REV3L: variants seen among roughly 807,000 people sequenced by gnomAD.
The protein encoded by REV3L is DNA polymerase zeta catalytic subunit.
A neutral mutation model predicts 299.4 loss-of-function variants in REV3L; 69 were observed. The observed-to-expected ratio is 0.23, with a 90% confidence interval of 0.19 to 0.28. The LOEUF (loss-of-function observed/expected upper bound fraction) is 0.28. REV3L is among the 10% of genes least tolerant of loss of function. The pLI is 1.00. For synonymous variants in REV3L, 1,238 were observed against 1,271.4 expected (o/e 0.97, Z 0.56); for missense variants, 3,128 against 3,693.8 (o/e 0.85, Z 3.97).
intron 1 of REV3L, among the ~76,000 whole-genome samples, chr6:111,447,142 A>T (rs1788958838): frequency 6.6e-6 from 1 of 152,218 alleles, no homozygotes; most frequent in East Asian, 1.9e-4. Flanking sequence ...GAAGGAAAAA[A>T]ATCTGTTTAT....
chr6:111,469,596 G>C lies in REV3L; in HGVS notation c.139+13154C>G, dbSNP rs141821955. On this transcript the variant is annotated intron_variant, in intron 1 of 31. Coordinates refer to ENST00000368802, the MANE Select transcript of REV3L (RefSeq NM_001372078.1). ...GGCCTATGGACAACAGAAAATATAC[G>C]AGGCTTGCTGTCACTAGTTACTTCT... 6.5e-3 allele frequency among the ~76,000 whole-genome samples: 989 copies of C among 152,208 alleles called. 26 individuals carry two copies. The highest frequency in any genetic ancestry group is 0.038 in the Admixed American group (582 of 15,288).
chr6:111,365,231 T>TC, intron 15 of REV3L, 34 bp downstream of exon 15: 1 of 1,218,040 alleles, frequency 8.2e-7, no homozygotes, highest in Non-Finnish European at 1.1e-6. Context: ...GACTGGCTCT[T>TC]CCACTGATCT....
At chr6:111,332,455 T>C (rs910996376) in intron 23 of REV3L, among the ~76,000 whole-genome samples, 1 of 152,182 alleles carries the variant, frequency 6.6e-6, no homozygotes, top group Non-Finnish European at 1.5e-5. Context: ...AAACCTTAAA[T>C]AGAAATACTG....
At chr6:111,421,519 C>T (rs974730001) in intron 1 of REV3L, among the ~76,000 whole-genome samples, 9 of 152,102 alleles carry the variant, frequency 5.9e-5, no homozygotes, top group African/African-American at 1.7e-4. Flanking sequence ...TACAAAAACA[C>T]GCAACATGAG....
intron 1 of REV3L, among the ~76,000 whole-genome samples, chr6:111,465,946 T>C (rs1057007620): frequency 2.0e-5 from 3 of 152,116 alleles, no homozygotes; most frequent in African/African-American, 7.2e-5. Context: ...TTTATATTGC[T>C]AAAAAGATCT....
At chr6:111,338,312 C>CTTTTTTTTTTTTTTTTTTTTTTTTTT (rs144497761) in intron 21 of REV3L, among the ~76,000 whole-genome samples, 1 of 47,944 alleles carries the variant, frequency 2.1e-5, no homozygotes, top group Non-Finnish European at 3.4e-5. Context: ...GTCTAAAGTC[C>CTTTTTTTTTTTTTTTTTTTTTTTTTT]TTTTTTTTTT....
Position 111,368,031 on chromosome 6 carries a change from A to G in REV3L, c.5760-3T>C, listed in dbSNP as rs765355745. 14 of 1,573,706 alleles carry G rather than the reference A, an allele frequency of 8.9e-6. No individual in the cohort carries two copies. The highest frequency in any genetic ancestry group is 1.4e-5 in the African/African-American group (1 of 73,056). ...TGAGGAGCCGTCCACCAATCTCCCT[A>G]TAATAACATATTTTAGAACAACTGT... On this transcript the variant is annotated splice_region_variant and splice_polypyrimidine_tract_variant and intron_variant, in intron 13 of 31. Coordinates refer to ENST00000368802, the MANE Select transcript of REV3L (RefSeq NM_001372078.1).
chr6:111,361,438 A>G (rs796400468), intron 16 of REV3L: 6 of 151,762 alleles, frequency 4.0e-5, no homozygotes, highest in African/African-American at 1.4e-4. Context: ...AAACAAAAAA[A>G]AAAAAGAAAG....
chr6:111,466,146 T>G (rs1266973856), intron 1 of REV3L, among the ~76,000 whole-genome samples: 1 of 149,774 alleles, frequency 6.7e-6, no homozygotes, highest in Admixed American at 6.6e-5. Context: ...TTATTCTCAT[T>G]TCATTTCATT....
chr6:111,419,844 G>A lies in REV3L; in HGVS notation c.140-3372C>T, dbSNP rs190143514. Among the ~76,000 whole-genome samples the A allele has an allele frequency of 2.4e-4, 37 of 151,978 alleles. 1 individual carries two copies. In the East Asian group the frequency reaches 6.6e-3, roughly 27 times the overall value. On this transcript the variant is annotated intron_variant, in intron 1 of 31. Coordinates refer to ENST00000368802, the MANE Select transcript of REV3L (RefSeq NM_001372078.1). ...TGAAACCTTCTACTAAATGATTTTG[G>A]ATTCTCTTTTTTTTTTTTGAGATGG...
At chr6:111,308,470 C>A (rs576438009) in intron 30 of REV3L, among the ~76,000 whole-genome samples, 20 of 152,188 alleles carry the variant, frequency 1.3e-4, no homozygotes. Context: ...GAATACTGTA[C>A]CAAAAATGAA....
At chr6:111,370,774 C>T (rs78366129) in intron 13 of REV3L, among the ~76,000 whole-genome samples, 2,713 of 151,872 alleles carry the variant, frequency 0.018, 69 homozygotes, top group African/African-American at 0.062. Context: ...TCCCATATAT[C>T]CCTTGTGCCC....
intron 18 of REV3L, among the ~76,000 whole-genome samples, chr6:111,355,571 G>C (rs1443795622): frequency 1.3e-5 from 2 of 151,998 alleles, no homozygotes; most frequent in African/African-American, 4.8e-5. Context: ...TTAATTACTA[G>C]TACATTTCAT....
At chr6:111,366,357 G>A (rs1038352554) in intron 14 of REV3L, among the ~76,000 whole-genome samples, 2 of 152,104 alleles carry the variant, frequency 1.3e-5, no homozygotes, top group East Asian at 1.9e-4. Context: ...ATAAATTTGC[G>A]AGTTATCTGT....
chr6:111,465,946 TA>T (rs1312617744), intron 1 of REV3L, among the ~76,000 whole-genome samples: 1 of 152,116 alleles, frequency 6.6e-6, no homozygotes, highest in Non-Finnish European at 1.5e-5. Flanking sequence ...TTTATATTGC[TA>T]AAAAGATCTC....
Position 111,375,471 on chromosome 6 carries a change from G to T in REV3L, c.2884C>A (p.Arg962=), listed in dbSNP as rs1300169568. 8 of 1,602,248 alleles carry T rather than the reference G, an allele frequency of 5.0e-6. No individual in the cohort carries two copies. Among genetic ancestry groups the T allele is most frequent in the Non-Finnish European group, 5.1e-6 (6 of 1,177,108 alleles). The change falls in exon 13 of 32, where the codon CGA becomes AGA. Residue 962 remains arginine (R), a synonymous_variant. Coordinates refer to ENST00000368802, the MANE Select transcript of REV3L (RefSeq NM_001372078.1). ...GESLDGTLKS[R]KRRKMSKKLP... is the part of the protein sequence containing the mutation. ...TTTTTAGACATTTTTCTTCGTTTTC[G>T]GGATTTGAGAGTTCCATCTAAACTT...
chr6:111,419,735 G>A (rs577502062), intron 1 of REV3L, among the ~76,000 whole-genome samples: 6 of 152,228 alleles, frequency 3.9e-5, no homozygotes, highest in Admixed American at 1.3e-4. Context: ...CAGTCCAGGC[G>A]CTTTTCCACT....
At chr6:111,318,859 A>G (rs1430027243) in intron 26 of REV3L, among the ~76,000 whole-genome samples, 1 of 152,088 alleles carries the variant, frequency 6.6e-6, no homozygotes, top group Non-Finnish European at 1.5e-5. Context: ...GCCCGGCCGT[A>G]TGCAACATTT....
At chr6:111,434,546 G>A (rs1787324453) in intron 1 of REV3L, among the ~76,000 whole-genome samples, 1 of 151,362 alleles carries the variant, frequency 6.6e-6, no homozygotes, top group Non-Finnish European at 1.5e-5. Flanking sequence ...GTGAACCCGG[G>A]AAGCGGAGCT....
Sources: gnomAD v4.1 joint callset for allele counts (sites outside exome capture counted in the v4.1 genomes callset) on GRCh38, gnomAD v4.1.1 for gene constraint, MANE v1.5 for transcripts, NCBI Gene and HGNC (gene_info 2026-07-23, HGNC 2026-07-21) for gene names.